RETREG3: variants seen among roughly 807,000 people sequenced by gnomAD.
RETREG3 encodes reticulophagy regulator family member 3, also known as reticulophagy regulator 3.
In RETREG3, 23 loss-of-function variants were observed where a neutral mutation model predicts 50.2. That is an observed-to-expected ratio of 0.46 (90% confidence interval 0.33 to 0.65). The LOEUF (loss-of-function observed/expected upper bound fraction) is 0.65. Ranked by LOEUF, RETREG3 falls within the 30% of genes least tolerant of loss-of-function variation. The pLI is 0.02. For missense variants in RETREG3, 546 were observed against 598.0 expected (o/e 0.91, Z 0.91); for synonymous variants, 240 against 234.4 (o/e 1.02, Z -0.22).
At chr17:42,601,500 G>A (rs2093158367) in intron 1 of RETREG3, among the ~76,000 whole-genome samples, 1 of 149,156 alleles carries the variant, frequency 6.7e-6, no homozygotes, top group African/African-American at 2.5e-5. Context: ...GTGAACCTGA[G>A]AGGCGGAGCT....
In RETREG3 at chr17:42,586,083, C is replaced by T. The variant is rs765024458; in HGVS notation, c.559G>A (p.Val187Ile). Reference protein sequence around the residue: ...LTFLAVLGRYVPGLLLSYLML... With the variant: ...LTFLAVLGRYIPGLLLSYLML... ...AAGTAGGACAGCAGAAGCCCAGGGACGTAGCGGCCCAAGACAGCCAAAAAG... is the reference window on the plus strand; with the variant it reads ...AAGTAGGACAGCAGAAGCCCAGGGATGTAGCGGCCCAAGACAGCCAAAAAG... Residue 187 changes from valine (V) to isoleucine (I), a missense_variant, in exon 5 of 9, where the codon GTC (valine) becomes ATC (isoleucine). Transcript: ENST00000309428. The T allele has an allele frequency of 1.1e-5, 18 of 1,614,044 alleles. No individual in the cohort carries two copies. Among genetic ancestry groups the T allele is most frequent in the East Asian group, 4.5e-5 (2 of 44,870 alleles).
rs749211418 is a variant in RETREG3, at chr17:42,582,223, G to A, written c.991C>T (p.Pro331Ser). 1.2e-6 allele frequency: 2 copies of A among 1,612,092 alleles called. No homozygotes were observed. The highest frequency in any genetic ancestry group is 1.7e-6 in the Non-Finnish European group (2 of 1,180,006). The part of the protein sequence containing the change: ...DPEESFARDL[P>S]DFPSINMDPA... ...TCCATATTAATGGAAGGGAAGTCTG[G>A]AAGGTCTCTGGCAAAGGATTCCTCT... Residue 331 changes from proline (P) to serine (S), a missense_variant, in exon 9 of 9, where the codon CCA (proline) becomes TCA (serine). Coordinates refer to ENST00000309428, the MANE Select transcript of RETREG3 (RefSeq NM_178126.4).
Position 42,606,073 on chromosome 17 carries a change from A to G in RETREG3, c.239+3013T>C, listed in dbSNP as rs182256609. On this transcript the variant is annotated intron_variant, in intron 1 of 8. Transcript: ENST00000309428. ...CTTCTTAAAATGTGATGGGACTGTA[A>G]CAAGAGTAACTGTGTTCTGGATACA... 3.8e-3 allele frequency among the ~76,000 whole-genome samples: 575 copies of G among 152,142 alleles called. 8 individuals are homozygous for G. The highest frequency in any genetic ancestry group is 0.013 in the African/African-American group (547 of 41,502).
intron 1 of RETREG3, among the ~76,000 whole-genome samples, chr17:42,596,844 C>G (rs2093146158): frequency 6.7e-6 from 1 of 149,964 alleles, no homozygotes; most frequent in Admixed American, 6.8e-5. Context: ...TTGAGGTGAT[C>G]TGTCTATTAA....
chr17:42,586,388 A>G (rs1017739158), intron 4 of RETREG3: 1 of 465,648 alleles, frequency 2.1e-6, no homozygotes. Flanking sequence ...AATAGGACTT[A>G]GCCAAAAATT....
At position 42,586,069 on chromosome 17, in the gene RETREG3, C is replaced by A; in HGVS notation, c.573G>T (p.Leu191=). 1 of 1,614,062 alleles carries A rather than the reference C, an allele frequency of 6.2e-7. No individual in the cohort carries two copies. Among genetic ancestry groups the A allele is most frequent in the Non-Finnish European group, 8.5e-7 (1 of 1,179,988 alleles). ...AVLGRYVPGL[L]LSYLMLVTVM... ...CATACTTACGCATCAAGTAGGACAGCAGAAGCCCAGGGACGTAGCGGCCCA... is the reference window on the plus strand; with the variant it reads ...CATACTTACGCATCAAGTAGGACAGAAGAAGCCCAGGGACGTAGCGGCCCA... The change falls in exon 5 of 9, where the codon CTG becomes CTT. Residue 191 remains leucine, a synonymous_variant. Transcript: ENST00000309428.
intron 1 of RETREG3, among the ~76,000 whole-genome samples, chr17:42,597,937 G>A (rs1364769135): frequency 1.4e-5 from 2 of 141,108 alleles, no homozygotes; most frequent in African/African-American, 5.3e-5. Context: ...GCCAAGAAAC[G>A]TTATTTTATA....
rs1356838829 is a variant in RETREG3 at position 42,581,063 on chromosome 17, G to GAA, written c.*748_*749dup. 1.4e-5 allele frequency: 2 copies of GAA among 144,036 alleles called. No individual in the cohort carries two copies. Among genetic ancestry groups the GAA allele is most frequent in the African/African-American group, 5.1e-5 (2 of 38,984 alleles). The allele number at this position is 144,036 out of a possible 1,614,324, so 8.9% of individuals were successfully genotyped here. A position where few individuals can be genotyped will look rare whatever the true frequency, so the allele number is the denominator to read the frequency against. On this transcript the variant is annotated 3_prime_UTR_variant, in exon 9 of 9. Coordinates refer to ENST00000309428, the MANE Select transcript of RETREG3 (RefSeq NM_178126.4). ...CAAAAAAAAAAAAAAGAAAAGAAAA[G>GAA]AAAAGAAAAAAATCAAATCCTGGTT...
intron 1 of RETREG3, among the ~76,000 whole-genome samples, chr17:42,599,846 T>C: frequency 6.6e-6 from 1 of 151,600 alleles, no homozygotes; most frequent in East Asian, 1.9e-4. Flanking sequence ...TACAAAAAAT[T>C]AGCTGGGCAT....
At chr17:42,594,963 C>CCTTTTTTTTTTTTTT (rs1555629522) in intron 1 of RETREG3, among the ~76,000 whole-genome samples, 1 of 125,284 alleles carries the variant, frequency 8.0e-6, no homozygotes, top group African/African-American at 3.0e-5. Flanking sequence ...TTTTTTTTTA[C>CCTTTTTTTTTTTTTT]TTTTTTTTTT....
intron 2 of RETREG3, among the ~76,000 whole-genome samples, chr17:42,589,349 C>G (rs2093127872): frequency 6.6e-6 from 1 of 152,228 alleles, no homozygotes; most frequent in Non-Finnish European, 1.5e-5. Flanking sequence ...ACTTTCCTGT[C>G]TGCCTTTGCC....
At chr17:42,597,952 A>C (rs1435973390) in intron 1 of RETREG3, among the ~76,000 whole-genome samples, 1 of 148,304 alleles carries the variant, frequency 6.7e-6, no homozygotes, top group African/African-American at 2.5e-5. Context: ...TTTATACCAC[A>C]AAGAAAACTC....
rs766982326 is a variant in RETREG3, at chr17:42,585,270, G to T, written c.590-8C>A. The T allele has an allele frequency of 9.9e-6, 16 of 1,611,406 alleles. No individual in the cohort carries two copies. The highest frequency in any genetic ancestry group is 1.3e-5 in the African/African-American group (1 of 74,892). Reference sequence around the variant, plus strand: ...ACATCATGACAGTGACAACTGTGAGGAGGCATGGGAAACAGTGACAAAATG... The same window carrying T: ...ACATCATGACAGTGACAACTGTGAGTAGGCATGGGAAACAGTGACAAAATG... On this transcript the variant is annotated splice_region_variant and splice_polypyrimidine_tract_variant and intron_variant, in intron 5 of 8. Transcript: ENST00000309428.
rs778158678 is a variant in RETREG3, at chr17:42,609,240, A to C, written c.85T>G (p.Trp29Gly). 3.7e-6 allele frequency: 6 copies of C among 1,607,984 alleles called. No homozygotes were observed. The highest frequency in any genetic ancestry group is 5.1e-6 in the Non-Finnish European group (6 of 1,179,806). ...GCCTCAACCTGCTGGTCCCGCTCCC[A>C]GGAGCCTGACACATCTCGGCGGCCC... Reference protein sequence around the residue: ...FRGRRDVSGSWERDQQVEAAQ... With the variant: ...FRGRRDVSGSGERDQQVEAAQ... The change falls in exon 1 of 9, where the codon TGG becomes GGG. Residue 29 changes from tryptophan (W) to glycine (G), a missense_variant. Trp to Gly is a radical substitution (Grantham distance 184). Transcript: ENST00000309428.
chr17:42,593,989 G>A (rs930802731), intron 1 of RETREG3, among the ~76,000 whole-genome samples: 2 of 152,046 alleles, frequency 1.3e-5, no homozygotes, highest in Admixed American at 6.5e-5. Flanking sequence ...TCAGGAGCTC[G>A]AGACAAGCCT....
chr17:42,605,920 G>A (rs1179181557), intron 1 of RETREG3, among the ~76,000 whole-genome samples: 2 of 150,256 alleles, frequency 1.3e-5, no homozygotes, highest in African/African-American at 4.9e-5. Flanking sequence ...GAACTTAGGA[G>A]GTGGAAGTTG....
chr17:42,603,287 G>A (rs1028427514), intron 1 of RETREG3, among the ~76,000 whole-genome samples: 20 of 152,248 alleles, frequency 1.3e-4, no homozygotes, highest in Admixed American at 3.3e-4. Flanking sequence ...TCAAAGACAT[G>A]ATTTCTAGGT....
intron 1 of RETREG3, among the ~76,000 whole-genome samples, chr17:42,605,840 A>T (rs1216021820): frequency 6.6e-6 from 1 of 151,882 alleles, no homozygotes; most frequent in Admixed American, 6.6e-5. Context: ...AAAATACAAA[A>T]ATTAGCCAGA....
intron 2 of RETREG3, among the ~76,000 whole-genome samples, chr17:42,589,631 G>A (rs894378585): frequency 2.6e-5 from 4 of 151,980 alleles, no homozygotes; most frequent in Non-Finnish European, 2.9e-5. Flanking sequence ...ACAAGGTTTC[G>A]CCACGTTGTC....
Sources: gnomAD v4.1 joint callset for allele counts (sites outside exome capture counted in the v4.1 genomes callset) on GRCh38, gnomAD v4.1.1 for gene constraint, MANE v1.5 for transcripts, NCBI Gene and HGNC (gene_info 2026-07-23, HGNC 2026-07-21) for gene names.